The following PAM16 variants were observed in gnomAD, a reference collection of about 807,000 sequenced individuals.
PAM16 encodes the protein presequence translocase associated motor 16.
A neutral mutation model predicts 17.9 loss-of-function variants in PAM16; 11 were observed. That is an observed-to-expected ratio of 0.62 (90% CI 0.39 to 1.02). PAM16 has a LOEUF of 1.02. Among genes scored for constraint, PAM16 ranks in the 50% least tolerant of loss-of-function variants. The probability of loss-of-function intolerance (pLI) is 0.01; values close to 1 mark genes in which losing one functional copy is unlikely to be tolerated. For missense variants in PAM16, 199 were observed against 165.4 expected, an observed-to-expected ratio of 1.20 and a Z score of -1.11; for synonymous variants, 72 against 67.4, an observed-to-expected ratio of 1.07 and a Z score of -0.34.
In PAM16 at chr16:4,349,669, A is replaced by G. The variant is rs369945055; in HGVS notation, c.3+1563T>C. The stretch of plus-strand genomic sequence containing the variant: ...GTAGGCCCAACTACTTGGGGGTCTA[A>G]GGTAGGAGGATGGCTTGAGCCTAGG... On this transcript the variant is annotated intron_variant, in intron 1 of 4. Coordinates refer to ENST00000318059, the MANE Select transcript of PAM16 (RefSeq NM_016069.11). Among the ~76,000 whole-genome samples, 3 of 152,250 alleles carry G rather than the reference A, an allele frequency of 2.0e-5. No homozygotes were observed. In the East Asian group the frequency reaches 5.8e-4, roughly 29 times the overall value.
At chr16:4,342,704 C>A (rs2053667786) in intron 2 of PAM16, among the ~76,000 whole-genome samples, 1 of 151,912 alleles carries the variant, frequency 6.6e-6, no homozygotes, top group Non-Finnish European at 1.5e-5. Flanking sequence ...CTGTGGCTCA[C>A]ACCTGTAATC....
intron 1 of PAM16, chr16:4,344,253 T>C (rs2053700918): frequency 1.5e-5 from 1 of 68,234 alleles, no homozygotes; most frequent in Non-Finnish European, 2.7e-5. Flanking sequence ...AGGAGGGGGT[T>C]CCGTGAGAGG....
chr16:4,340,328 G>C lies in PAM16; in HGVS notation c.369C>G (p.Pro123=). 2 of 1,612,722 alleles carry C rather than the reference G, an allele frequency of 1.2e-6. No individual in the cohort carries two copies. The highest frequency in any genetic ancestry group is 1.7e-6 in the Non-Finnish European group (2 of 1,179,802). Residue 123 remains proline, a synonymous_variant, in exon 5 of 5, where the codon CCC becomes CCG. Transcript: ENST00000318059. Reference sequence around the variant, plus strand: ...GGGGGGAGCCGAGCAGTCACGTATGGGGCATCTGCCCTTTTTCTCTGTCCT... The same window carrying C: ...GGGGGGAGCCGAGCAGTCACGTATGCGGCATCTGCCCTTTTTCTCTGTCCT... ...AQEDREKGQM[P]HT
chr16:4,349,922 T>C (rs1031343262), intron 1 of PAM16, among the ~76,000 whole-genome samples: 3 of 152,088 alleles, frequency 2.0e-5, no homozygotes, highest in East Asian at 1.9e-4. Flanking sequence ...CAGGACTTCA[T>C]AAACACTAAA....
chr16:4,341,664 G>T, intron 2 of PAM16, 160 bp from the exon 3 acceptor site: 1 of 1,259,684 alleles, frequency 7.9e-7, no homozygotes, highest in Non-Finnish European at 1.1e-6. Flanking sequence ...CCTTTTTAGG[G>T]GGTAGAGGCT....
chr16:4,344,992 G>A (rs1358713863), intron 1 of PAM16, among the ~76,000 whole-genome samples: 3 of 152,042 alleles, frequency 2.0e-5, no homozygotes, highest in African/African-American at 7.3e-5. Context: ...GTTCCTGCGA[G>A]CAGCCAATAG....
chr16:4,343,858 G>A lies in PAM16; in HGVS notation c.4-567C>T, dbSNP rs1008809634. 31 of 400,014 alleles carry A rather than the reference G, an allele frequency of 7.7e-5. 1 individual carries two copies. In the Admixed American group the frequency reaches 1.0e-3, roughly 13 times the overall value. The allele number at this position is 400,014 out of a possible 1,614,324, so 24.8% of individuals were successfully genotyped here. On this transcript the variant is annotated intron_variant, in intron 1 of 4. Coordinates refer to ENST00000318059, the MANE Select transcript of PAM16 (RefSeq NM_016069.11). ...CAAGGAGCTAAAAGCCCACTAGGAG[G>A]GTATTTAAACACACTATGGACCAAA...
intron 3 of PAM16, 73 bp from the exon 4 acceptor site, chr16:4,341,058 C>A: frequency 6.3e-7 from 1 of 1,578,050 alleles, no homozygotes; most frequent in Non-Finnish European, 8.7e-7. Context: ...TATGTGGGGC[C>A]ACGTGAGAGA....
intron 1 of PAM16, chr16:4,344,071 G>A (rs920345100): frequency 3.0e-5 from 12 of 397,982 alleles, no homozygotes; most frequent in Non-Finnish European, 4.9e-5. Flanking sequence ...GGCTGAACAT[G>A]CCGGAACACT....
At chr16:4,351,174 C>G (rs1484250897) in intron 1 of PAM16, 58 bp downstream of exon 1, 1 of 1,135,366 alleles carries the variant, frequency 8.8e-7, no homozygotes, top group East Asian at 3.2e-5. Flanking sequence ...CCGCCCGGCC[C>G]CCGGCCCCCG....
intron 1 of PAM16, among the ~76,000 whole-genome samples, chr16:4,349,466 G>A (rs977475376): frequency 1.3e-5 from 2 of 152,144 alleles, no homozygotes; most frequent in African/African-American, 4.8e-5. Flanking sequence ...TACCCGGGAG[G>A]CTGAGGCTAC....
chr16:4,349,204 C>T (rs1476887732), intron 1 of PAM16, among the ~76,000 whole-genome samples: 1 of 149,112 alleles, frequency 6.7e-6, no homozygotes, highest in Non-Finnish European at 1.5e-5. Context: ...ATCCACCCGC[C>T]TGAGACCCCC....
chr16:4,345,481 CCCAA>C (rs1230687903), intron 1 of PAM16: 4 of 152,168 alleles, frequency 2.6e-5, no homozygotes, highest in Admixed American at 2.0e-4. Flanking sequence ...GTATCAAGAA[CCCAA>C]CCCCGAGGCC....
chr16:4,344,515 T>C (rs867248403), intron 1 of PAM16, among the ~76,000 whole-genome samples: 431 of 4,564 alleles, frequency 0.094, 1 homozygote, highest in East Asian at 0.13. Flanking sequence ...GAGGGGGTTC[T>C]GTGAGAGAAG....
chr16:4,340,426 A>G, intron 4 of PAM16, 21 bp from the exon 5 acceptor site: 1 of 1,606,260 alleles, frequency 6.2e-7, no homozygotes. Flanking sequence ...ACGGATAATC[A>G]GGCCGGGAGG....
chr16:4,340,512 C>A, intron 4 of PAM16, 107 bp from the exon 5 acceptor site: 1 of 1,263,020 alleles, frequency 7.9e-7, no homozygotes, highest in Non-Finnish European at 1.1e-6. Flanking sequence ...TTTTGAAGGG[C>A]AGTGGGTGGA....
intron 1 of PAM16, chr16:4,348,628 A>C (rs1356918460): frequency 6.6e-6 from 1 of 151,912 alleles, no homozygotes; most frequent in Admixed American, 6.6e-5. Flanking sequence ...AACCCTTTCC[A>C]GGCTCTCCCA....
intron 1 of PAM16, among the ~76,000 whole-genome samples, chr16:4,350,226 C>A (rs185435438): frequency 1.3e-5 from 2 of 151,196 alleles, no homozygotes; most frequent in Non-Finnish European, 2.9e-5. Context: ...GCGATACTGG[C>A]GCCTCAACTT....
At chr16:4,342,184 T>A (rs564573175) in intron 2 of PAM16, among the ~76,000 whole-genome samples, 2 of 151,914 alleles carry the variant, frequency 1.3e-5, no homozygotes, top group Admixed American at 1.3e-4. Flanking sequence ...ACCTGTAAAA[T>A]ACAAAATTAC....
Sources: allele counts gnomAD v4.1 joint callset (sites outside exome capture counted in the v4.1 genomes callset), GRCh38; gene constraint gnomAD v4.1.1; transcripts MANE v1.5; gene names NCBI Gene and HGNC (gene_info 2026-07-23, HGNC 2026-07-21).